The following DCC variants were observed in gnomAD, a reference collection of about 807,000 sequenced individuals.
DCC encodes the protein DCC netrin 1 receptor, also known as netrin receptor DCC.
Under a neutral mutation model 172.5 loss-of-function variants are expected in DCC, and 58 were observed. The ratio of observed to expected loss-of-function variants is 0.34; its 90% CI spans 0.27 to 0.42. The LOEUF (loss-of-function observed/expected upper bound fraction) is 0.42, where lower values mean the gene tolerates loss of function less well. Ranked by LOEUF, DCC falls within the 10% of genes least tolerant of loss-of-function variation. DCC has a pLI of 1.00. For missense variants in DCC, 1,740 were observed against 1,791.0 expected (o/e 0.97, Z 0.51); for synonymous variants, 709 against 644.5 (o/e 1.10, Z -1.52).
At chr18:52,378,024 T>G (rs1161975292) in intron 1 of DCC, among the ~76,000 whole-genome samples, 1 of 152,028 alleles carries the variant, frequency 6.6e-6, no homozygotes, top group Non-Finnish European at 1.5e-5. Context: ...TTTTCTTTTT[T>G]CCCTTGGTTT....
intron 12 of DCC, among the ~76,000 whole-genome samples, chr18:53,300,269 C>G (rs1037379918): frequency 1.3e-5 from 2 of 152,076 alleles, no homozygotes; most frequent in African/African-American, 4.8e-5. Context: ...TGTGGTTATG[C>G]TTAGAGCAGG....
intron 2 of DCC, among the ~76,000 whole-genome samples, chr18:52,757,742 C>T (rs1436030106): frequency 1.3e-5 from 2 of 152,090 alleles, no homozygotes; most frequent in South Asian, 2.1e-4. Context: ...CTTTTTATAG[C>T]AGTTTCTGCT....
At chr18:53,344,440 CTTTTTTTT>C (rs71175582) in intron 15 of DCC, among the ~76,000 whole-genome samples, 6 of 97,064 alleles carry the variant, frequency 6.2e-5, no homozygotes, top group Non-Finnish European at 1.2e-4. Flanking sequence ...TTTCGTTTTT[CTTTTTTTT>C]TTTTTTTTTT....
chr18:52,923,728 T>G lies in DCC; in HGVS notation c.719T>G (p.Leu240Arg), dbSNP rs769667349. The G allele has an allele frequency of 6.2e-7, 1 of 1,609,990 alleles. No individual in the cohort carries two copies. The highest frequency in any genetic ancestry group is 1.1e-5 in the South Asian group (1 of 90,988). Residue 240 changes from leucine (L) to arginine (R), a missense_variant, in exon 4 of 29, where the codon CTG becomes CGG. By Grantham distance (102) the Leu-to-Arg change is moderately radical. Around this residue, in one of 2 missense-constraint regions of DCC, gnomAD observed 1,732 missense variants for 1,767.4 expected, o/e 0.98. Coordinates refer to ENST00000442544, the MANE Select transcript of DCC (RefSeq NM_005215.4). ...ATAGATCCAGGACTGCATAGACAGC[T>G]GTATTTTCTGCAAAGACCATCCAAT... ...ILSDPGLHRQ[L>R]YFLQRPSNVV...
rs111263762 is a variant in DCC, at chr18:53,107,133, A to T, written c.1261+40967A>T. On this transcript the variant is annotated intron_variant, in intron 7 of 28. Coordinates refer to ENST00000442544, the MANE Select transcript of DCC (RefSeq NM_005215.4). ...ACTTCCTGAGAATGCAGCCCAGTAG[A>T]TCTCAGCCTCATTTTACCCAGCCCC... Among the ~76,000 whole-genome samples, 340 of 151,838 alleles carry T rather than the reference A, an allele frequency of 2.2e-3. 1 individual carries two copies. Among genetic ancestry groups the T allele is most frequent in the African/African-American group, 8.0e-3 (330 of 41,468 alleles).
At chr18:53,311,339 T>C (rs1165510695) in intron 13 of DCC, among the ~76,000 whole-genome samples, 1 of 152,128 alleles carries the variant, frequency 6.6e-6, no homozygotes, top group Admixed American at 6.5e-5. Flanking sequence ...GCCAGGCTGG[T>C]CTCGAACTCC....
intron 2 of DCC, among the ~76,000 whole-genome samples, chr18:52,821,194 T>A (rs916534302): frequency 1.3e-5 from 2 of 152,136 alleles, no homozygotes; most frequent in African/African-American, 4.8e-5. Flanking sequence ...AAACCTACTA[T>A]CCTATCTGCA....
chr18:53,055,358 G>T (rs770014893), intron 5 of DCC, among the ~76,000 whole-genome samples: 11 of 152,054 alleles, frequency 7.2e-5, no homozygotes, highest in Non-Finnish European at 1.5e-4. Flanking sequence ...CCTGTGTCAG[G>T]AAAAAAGTTA....
chr18:52,746,402 C>G (rs558165427), intron 1 of DCC, among the ~76,000 whole-genome samples: 72 of 152,232 alleles, frequency 4.7e-4, no homozygotes, highest in Non-Finnish European at 7.8e-4. Context: ...CACTTCCAAG[C>G]TACTTCTTAT....
In DCC at chr18:53,420,901, A is replaced by G. The variant is rs146337450; in HGVS notation, c.3163+4745A>G. On this transcript the variant is annotated intron_variant, in intron 21 of 28. Coordinates refer to ENST00000442544, the MANE Select transcript of DCC (RefSeq NM_005215.4). The stretch of plus-strand genomic sequence containing the variant: ...AGGTAAACATTTTACCCAGGATCAC[A>G]GAATTAGCTGTTGGCAGAGTTAGAA... Among the ~76,000 whole-genome samples the G allele has an allele frequency of 4.6e-5, 7 of 152,290 alleles. No homozygotes were observed. In the East Asian group the frequency reaches 9.7e-4, roughly 21 times the overall value.
intron 15 of DCC, among the ~76,000 whole-genome samples, chr18:53,381,493 A>T (rs933875267): frequency 1.3e-5 from 2 of 151,812 alleles, no homozygotes; most frequent in African/African-American, 2.4e-5. Context: ...TGGACCTGTG[A>T]ATATAAAACA....
At chr18:52,886,561 C>A (rs1230170243) in intron 2 of DCC, among the ~76,000 whole-genome samples, 1 of 152,202 alleles carries the variant, frequency 6.6e-6, no homozygotes, top group Non-Finnish European at 1.5e-5. Flanking sequence ...TCTAATGTCA[C>A]TTGCCTAAGA....
In DCC at chr18:53,122,605, A is replaced by G. The variant is rs955051892; in HGVS notation, c.1262-34751A>G. Among the ~76,000 whole-genome samples, 15 of 152,200 alleles carry G rather than the reference A, an allele frequency of 9.9e-5. No homozygotes were observed. In the South Asian group the frequency reaches 1.0e-3, roughly 11 times the overall value. ...AAACATGTAGTAAACTTGATTGACC[A>G]TATTAGCTTTGCTCCACCATTAGGC... On this transcript the variant is annotated intron_variant, in intron 7 of 28. Transcript: ENST00000442544.
At chr18:52,724,413 T>G in intron 1 of DCC, among the ~76,000 whole-genome samples, 1 of 152,112 alleles carries the variant, frequency 6.6e-6, no homozygotes, top group Non-Finnish European at 1.5e-5. Flanking sequence ...ATTCCCAAAG[T>G]GCTGAGATTA....
chr18:53,235,209 A>G (rs1057022565), intron 12 of DCC, among the ~76,000 whole-genome samples: 3 of 152,134 alleles, frequency 2.0e-5, no homozygotes, highest in Non-Finnish European at 4.4e-5. Flanking sequence ...TTTTTTATTT[A>G]GTTACCTAAT....
chr18:53,093,219 G>A (rs991085764), intron 7 of DCC, among the ~76,000 whole-genome samples: 1 of 152,158 alleles, frequency 6.6e-6, no homozygotes, highest in African/African-American at 2.4e-5. Context: ...GGAGGTTGCA[G>A]TGAGCTAAGA....
At chr18:52,616,458 G>A (rs2034383996) in intron 1 of DCC, among the ~76,000 whole-genome samples, 1 of 152,122 alleles carries the variant, frequency 6.6e-6, no homozygotes, top group African/African-American at 2.4e-5. Context: ...GGGAAATATG[G>A]TAGAGTATGT....
intron 22 of DCC, among the ~76,000 whole-genome samples, chr18:53,445,678 C>T (rs1166378066): frequency 6.6e-6 from 1 of 151,882 alleles, no homozygotes; most frequent in African/African-American, 2.4e-5. Flanking sequence ...CTTCAATGAA[C>T]CAATTTTTTA....
chr18:52,351,495 G>A (rs1262550540), intron 1 of DCC, among the ~76,000 whole-genome samples: 2 of 152,036 alleles, frequency 1.3e-5, no homozygotes, highest in African/African-American at 4.8e-5. Flanking sequence ...TACATTATGA[G>A]GTGTTACGGA....
Sources: gnomAD v4.1 joint callset for allele counts (sites outside exome capture counted in the v4.1 genomes callset) on GRCh38, gnomAD v4.1.1 for gene constraint, gnomAD v4.1.1 regional missense constraint, MANE v1.5 for transcripts, NCBI Gene and HGNC (gene_info 2026-07-23, HGNC 2026-07-21) for gene names.